NFE2L2: variants seen among roughly 807,000 people sequenced by gnomAD.
NFE2L2 encodes NFE2 like bZIP transcription factor 2.
Under a neutral mutation model 49.6 loss-of-function variants are expected in NFE2L2, and 20 were observed. That is an observed-to-expected ratio of 0.40 (90% CI 0.28 to 0.59). NFE2L2 has a LOEUF of 0.59. Ranked by LOEUF, NFE2L2 falls within the 20% of genes least tolerant of loss-of-function variation. The pLI, the probability that NFE2L2 is intolerant of heterozygous loss-of-function variation, is 0.40. For missense variants in NFE2L2, 578 were observed against 714.2 expected, an observed-to-expected ratio of 0.81 and a Z score of 2.17; for synonymous variants, 244 against 256.5, an observed-to-expected ratio of 0.95 and a Z score of 0.47.
intron 1 of NFE2L2, among the ~76,000 whole-genome samples, chr2:177,243,233 C>CTACTT (rs1415523018): frequency 6.6e-6 from 1 of 152,154 alleles, no homozygotes; most frequent in African/African-American, 2.4e-5. Flanking sequence ...ACTCCCTAAC[C>CTACTT]TACTTTACCA....
intron 1 of NFE2L2, among the ~76,000 whole-genome samples, chr2:177,236,496 T>C (rs1028961173): frequency 6.6e-6 from 1 of 152,226 alleles, no homozygotes; most frequent in Non-Finnish European, 1.5e-5. Flanking sequence ...TGCACTGTTC[T>C]AAGTACTTTA....
At chr2:177,263,689 G>A in intron 1 of NFE2L2, 1 of 985,506 alleles carries the variant, frequency 1.0e-6, no homozygotes, top group Non-Finnish European at 1.2e-6. Context: ...GAAGCCCCGG[G>A]TGCCGCCGAC....
chr2:177,232,032 T>C lies in NFE2L2; in HGVS notation c.595-24A>G, dbSNP rs373298714. On this transcript the variant is annotated intron_variant, in intron 4 of 4. Coordinates refer to ENST00000397062, the MANE Select transcript of NFE2L2 (RefSeq NM_006164.5). The stretch of plus-strand genomic sequence containing the variant: ...CACTGCATGAGAAGGAAGTTTATAC[T>C]ATATAAATCAAAGTTAATCCATGAT... 15 of 1,545,514 alleles carry C rather than the reference T, an allele frequency of 9.7e-6. No individual in the cohort carries two copies. The African/African-American group carries it at 2.1e-4, about 21-fold the overall frequency.
chr2:177,238,416 C>A (rs185331205), intron 1 of NFE2L2, among the ~76,000 whole-genome samples: 1,815 of 152,318 alleles, frequency 0.012, 25 homozygotes, highest in Non-Finnish European at 0.018. Flanking sequence ...CTTTCCCCCC[C>A]TTTTCCTTCC....
In NFE2L2 at chr2:177,231,258, G is replaced by A. The variant is rs201871588; in HGVS notation, c.1345C>T (p.Arg449Cys). 22 of 1,614,080 alleles carry A rather than the reference G, an allele frequency of 1.4e-5. No individual in the cohort carries two copies. The South Asian group carries it at 1.5e-4, about 11-fold the overall frequency. ...TCTCTTGTGAGATGAGCCTCCAAGC[G>A]GCTTGAATGTTTGTCTTTTGTGAAT... ...TPFTKDKHSS[R>C]LEAHLTRDEL... The change falls in exon 5 of 5, where the codon CGC becomes TGC. Residue 449 changes from arginine (R) to cysteine (C), a missense_variant. Arg to Cys is a radical substitution (Grantham distance 180, BLOSUM62 -3). This residue lies in a region of NFE2L2 where 368 missense variants were observed against 384.6 expected (regional missense o/e 0.96). Transcript: ENST00000397062.
intron 3 of NFE2L2, chr2:177,232,862 T>C (rs775397221): frequency 3.4e-5 from 16 of 475,888 alleles, no homozygotes; most frequent in Non-Finnish European, 5.6e-5. Context: ...TCTAGCACAG[T>C]GGTACTAGAT....
intron 1 of NFE2L2, among the ~76,000 whole-genome samples, chr2:177,239,081 G>C (rs1483570463): frequency 2.6e-5 from 4 of 152,050 alleles, no homozygotes. Flanking sequence ...TTTTTTATTT[G>C]AATTTCCCTT....
At chr2:177,247,471 C>T (rs1690171864) in intron 1 of NFE2L2, among the ~76,000 whole-genome samples, 1 of 151,982 alleles carries the variant, frequency 6.6e-6, no homozygotes, top group Non-Finnish European at 1.5e-5. Context: ...ACCAGCCTGG[C>T]CAACATGGTG....
chr2:177,249,509 A>G (rs1177488144), intron 1 of NFE2L2, among the ~76,000 whole-genome samples: 3 of 152,222 alleles, frequency 2.0e-5, no homozygotes, highest in Non-Finnish European at 4.4e-5. Context: ...TCTGAAAATA[A>G]TGATTTTTTT....
intron 1 of NFE2L2, among the ~76,000 whole-genome samples, chr2:177,249,840 T>C (rs1198450681): frequency 6.6e-6 from 1 of 152,216 alleles, no homozygotes; most frequent in Non-Finnish European, 1.5e-5. Context: ...TGTTTTAAAA[T>C]TTAAATCAAA....
At chr2:177,241,711 C>G (rs1402915997) in intron 1 of NFE2L2, among the ~76,000 whole-genome samples, 3 of 152,020 alleles carry the variant, frequency 2.0e-5, no homozygotes, top group Non-Finnish European at 2.9e-5. Flanking sequence ...AAAAATTAGC[C>G]AGACATGGTG....
At chr2:177,264,363 T>A in intron 1 of NFE2L2, 169 bp downstream of exon 1, 32 of 558,884 alleles carry the variant, frequency 5.7e-5, no homozygotes, top group East Asian at 1.6e-4. Flanking sequence ...CCGCTGCCCC[T>A]CCCCGCCCTG....
intron 1 of NFE2L2, among the ~76,000 whole-genome samples, chr2:177,235,031 G>T (rs184364316): frequency 6.6e-6 from 1 of 150,790 alleles, no homozygotes; most frequent in African/African-American, 2.4e-5. Context: ...CAGGAGAATC[G>T]GCTTGAACCT....
chr2:177,243,564 A>T (rs1690012588), intron 1 of NFE2L2, among the ~76,000 whole-genome samples: 1 of 152,128 alleles, frequency 6.6e-6, no homozygotes, highest in African/African-American at 2.4e-5. Context: ...TCTGTTGCCC[A>T]GGCTGGAGTG....
chr2:177,234,604 A>AT (rs1412011957), intron 1 of NFE2L2, among the ~76,000 whole-genome samples: 3 of 152,374 alleles, frequency 2.0e-5, no homozygotes, highest in Admixed American at 6.5e-5. Context: ...TTAATGGAAT[A>AT]TAGAAATTAG....
At chr2:177,264,485 GC>G (rs2105502835) in intron 1 of NFE2L2, 46 bp downstream of exon 1, 4 of 1,507,910 alleles carry the variant, frequency 2.7e-6, no homozygotes, top group South Asian at 1.2e-5. Context: ...TAGCTCCCCC[GC>G]CCCCGTCCCG....
chr2:177,231,966 C>T lies in NFE2L2; in HGVS notation c.637G>A (p.Val213Ile), dbSNP rs369394957. 19 of 1,613,184 alleles carry T rather than the reference C, an allele frequency of 1.2e-5. No individual in the cohort carries two copies. The highest frequency in any genetic ancestry group is 1.6e-5 in the Non-Finnish European group (19 of 1,179,568). Residue 213 changes from valine (V) to isoleucine (I), a missense_variant, in exon 5 of 5, where the codon GTT becomes ATT. Around this residue, in one of 3 missense-constraint regions of NFE2L2, gnomAD observed 368 missense variants for 384.6 expected, o/e 0.96. Coordinates refer to ENST00000397062, the MANE Select transcript of NFE2L2 (RefSeq NM_006164.5). ...GTCAGTTTGGCTTCTGGACTTGGAACCATGGTAGTCTCAACCAGCTTGTCA... is the reference window on the plus strand; with the variant it reads ...GTCAGTTTGGCTTCTGGACTTGGAATCATGGTAGTCTCAACCAGCTTGTCA... ...ENDKLVETTM[V>I]PSPEAKLTEV...
In NFE2L2 at chr2:177,264,549, C is replaced by CCGG. The variant is rs1690867914; in HGVS notation, c.25_27dup (p.Pro9dup). On this transcript the variant is annotated inframe_insertion, in exon 1 of 5. Coordinates refer to ENST00000397062, the MANE Select transcript of NFE2L2 (RefSeq NM_006164.5). ...GGCAGCACCTGCTGGGACGGGAGTCCCGGCGGCGGCAGCTCCAAGTCCATC... is the reference window on the plus strand; with the variant it reads ...GGCAGCACCTGCTGGGACGGGAGTCCCGGCGGCGGCGGCAGCTCCAAGTCCATC... 1.3e-6 allele frequency: 2 copies of CCGG among 1,521,468 alleles called. No individual in the cohort carries two copies. The highest frequency in any genetic ancestry group is 2.1e-5 in the Admixed American group (1 of 48,134). 94.2% of individuals were successfully genotyped at this position (1,521,468 alleles called of 1,614,324 possible).
chr2:177,263,406 T>C (rs1222995973), intron 1 of NFE2L2: 1 of 985,352 alleles, frequency 1.0e-6, no homozygotes, highest in African/African-American at 1.7e-5. Flanking sequence ...CTCTTACCCT[T>C]GACAGCACAG....
Sources: gnomAD v4.1 joint callset for allele counts (sites outside exome capture counted in the v4.1 genomes callset) on GRCh38, gnomAD v4.1.1 for gene constraint, gnomAD v4.1.1 regional missense constraint, MANE v1.5 for transcripts, NCBI Gene and HGNC (gene_info 2026-07-23, HGNC 2026-07-21) for gene names.